MICAL2: variants seen among roughly 807,000 people sequenced by gnomAD.
The protein encoded by MICAL2 is [F-actin]-monooxygenase MICAL2.
MICAL2 carries 77 observed loss-of-function variants against 127.3 expected under a neutral mutation model. The observed-to-expected ratio is 0.60, with a 90% CI of 0.50 to 0.73. The LOEUF (loss-of-function observed/expected upper bound fraction) is 0.73, where lower values mean the gene tolerates loss of function less well. MICAL2 is among the 30% of genes least tolerant of loss of function. The pLI is 0.00. For missense variants in MICAL2, 1,351 were observed against 1,434.4 expected (o/e 0.94, Z 0.94); for synonymous variants, 570 against 551.1 (o/e 1.03, Z -0.48).
chr11:12,328,472 G>T (rs893764986), intron 32 of MICAL2, among the ~76,000 whole-genome samples: 1 of 152,102 alleles, frequency 6.6e-6, no homozygotes, highest in South Asian at 2.1e-4. Context: ...TTGGCAGAGG[G>T]AACAGCACCT....
At chr11:12,278,077 G>T (rs1863739178) in intron 1 of MICAL2, among the ~76,000 whole-genome samples, 1 of 152,176 alleles carries the variant, frequency 6.6e-6, no homozygotes, top group South Asian at 2.1e-4. Flanking sequence ...AGTTGCTCTG[G>T]GTGAGTGAGT....
intron 29 of MICAL2, among the ~76,000 whole-genome samples, chr11:12,304,993 A>G (rs1864092107): frequency 6.6e-6 from 1 of 152,158 alleles, no homozygotes; most frequent in Non-Finnish European, 1.5e-5. Flanking sequence ...TATTGAATCT[A>G]TAGATAAATT....
chr11:12,275,933 T>A (rs1044459569), upstream of MICAL2: 1 of 398,992 alleles, frequency 2.5e-6, no homozygotes, highest in African/African-American at 2.1e-5. Flanking sequence ...GGAAGGGTCC[T>A]GCTAGGCCAT....
chr11:12,303,202 T>G (rs976479705), intron 29 of MICAL2, among the ~76,000 whole-genome samples: 2 of 152,152 alleles, frequency 1.3e-5, no homozygotes, highest in African/African-American at 4.8e-5. Context: ...GAGATTTGGG[T>G]GGGGACATGG....
At chr11:12,166,289 T>C (rs955716021) in intron 3 of MICAL2, among the ~76,000 whole-genome samples, 1 of 152,258 alleles carries the variant, frequency 6.6e-6, no homozygotes, top group Non-Finnish European at 1.5e-5. Context: ...GGACTCTATT[T>C]ACTGGTTTGC....
rs1855759908 is a variant in MICAL2, at chr11:12,213,377, CAG to C, written c.816_817del (p.Lys273IlefsTer6). 1.2e-6 allele frequency: 2 copies of C among 1,613,800 alleles called. No homozygotes were observed. Among genetic ancestry groups the C allele is most frequent in the African/African-American group, 1.3e-5 (1 of 74,928 alleles). ...EISGVAFIFN[Q>X]KFFQDLKEET... is the part of the protein sequence containing the mutation. ...TAGTGGTGTGGCTTTCATCTTCAAT[CAG>C]AAATTTTTTCAGGACCTTAAAGAAG... On this transcript the variant is annotated frameshift_variant, in exon 7 of 28. Transcript: ENST00000683283. LOFTEE classifies it high-confidence loss of function.
rs1273789293 is a variant in MICAL2 at position 12,244,021 on chromosome 11, A to G, written c.2693A>G (p.His898Arg). The change falls in exon 21 of 28, where the codon CAT becomes CGT. Residue 898 changes from histidine to arginine, a missense_variant. His to Arg is a conservative substitution (Grantham distance 29). Coordinates refer to ENST00000683283, the MANE Select transcript of MICAL2 (RefSeq NM_001282663.2). ...CTCTCTAAAGGCCTGTCTCATACTC[A>G]TCCTCCATCTCCTCCCTCTCGCCTT... ...KLLSKGLSHTHPPSPPSRLPS... is the reference protein window; with the variant it reads ...KLLSKGLSHTRPPSPPSRLPS... 1.9e-6 allele frequency: 3 copies of G among 1,613,684 alleles called. No homozygotes were observed. The highest frequency in any genetic ancestry group is 2.5e-6 in the Non-Finnish European group (3 of 1,179,708).
At chr11:12,116,967 T>C (rs377541317) in intron 1 of MICAL2, 6 of 152,330 alleles carry the variant, frequency 3.9e-5, no homozygotes, top group African/African-American at 1.4e-4. Context: ...TTTTAGTTTG[T>C]TCTTTATTTG....
At chr11:12,338,416 A>G (rs1204239988) in intron 32 of MICAL2, among the ~76,000 whole-genome samples, 1 of 152,134 alleles carries the variant, frequency 6.6e-6, no homozygotes, top group Non-Finnish European at 1.5e-5. Context: ...CCAATTTGCC[A>G]GTCTGTGTCT....
chr11:12,217,108 G>A (rs991367146), intron 8 of MICAL2, among the ~76,000 whole-genome samples: 7 of 152,130 alleles, frequency 4.6e-5, no homozygotes, highest in African/African-American at 9.7e-5. Flanking sequence ...AAGCTTCTTC[G>A]GACAGGTGTA....
At chr11:12,123,092 T>G (rs937773891) in intron 1 of MICAL2, among the ~76,000 whole-genome samples, 1 of 152,160 alleles carries the variant, frequency 6.6e-6, no homozygotes, top group African/African-American at 2.4e-5. Context: ...AGATATACCA[T>G]TATTTCATGT....
chr11:12,275,172 G>A (rs908485182), upstream of MICAL2, among the ~76,000 whole-genome samples: 2 of 152,202 alleles, frequency 1.3e-5, no homozygotes, highest in African/African-American at 2.4e-5. Flanking sequence ...TTTACTGAGA[G>A]GGGGAAGGCT....
intron 21 of MICAL2, among the ~76,000 whole-genome samples, chr11:12,247,702 T>C (rs1459344470): frequency 2.6e-5 from 4 of 152,242 alleles, no homozygotes. Flanking sequence ...CACTGGGCTT[T>C]GCACATGCAG....
At position 12,222,688 on chromosome 11, in the gene MICAL2, T is replaced by C; in HGVS notation, c.1394T>C (p.Leu465Ser). The C allele has an allele frequency of 6.2e-7, 1 of 1,614,220 alleles. No homozygotes were observed. The highest frequency in any genetic ancestry group is 8.5e-7 in the Non-Finnish European group (1 of 1,180,048). Residue 465 changes from leucine (L) to serine (S), a missense_variant, in exon 11 of 28, where the codon TTG becomes TCG. Physicochemically the swap from Leu to Ser is moderately radical, Grantham distance 145. This residue lies in a region of MICAL2 where 599 missense variants were observed against 714.9 expected (regional missense o/e 0.84). Transcript: ENST00000683283. ...NINKNFEQYTLDPGTRYPNLN... is the reference protein window; with the variant it reads ...NINKNFEQYTSDPGTRYPNLN... ...AACAAGAACTTTGAGCAGTACACGT[T>C]GGACCCAGGGACACGGTACCCAAAC...
chr11:12,142,923 A>G (rs1027179134), intron 2 of MICAL2, among the ~76,000 whole-genome samples: 2 of 152,226 alleles, frequency 1.3e-5, no homozygotes, highest in African/African-American at 4.8e-5. Flanking sequence ...CAAGGCATTG[A>G]CTGAAGCGTC....
downstream of MICAL2, among the ~76,000 whole-genome samples, chr11:12,267,606 T>G (rs919222950): frequency 2.0e-5 from 3 of 151,480 alleles, no homozygotes; most frequent in Non-Finnish European, 4.4e-5. Context: ...GGATTATCCT[T>G]TTATTTATTT....
intron 21 of MICAL2, among the ~76,000 whole-genome samples, chr11:12,246,751 T>A (rs2706628): frequency 6.6e-6 from 1 of 152,286 alleles, no homozygotes; most frequent in Middle Eastern, 3.4e-3. Context: ...GGACTATAGA[T>A]GTGAATCACC....
chr11:12,239,342 G>A lies in MICAL2; in HGVS notation c.2065-94G>A, dbSNP rs71478995. On this transcript the variant is annotated intron_variant, in intron 16 of 27. Transcript: ENST00000683283. ...CAGACCATGGAGGGAGCCCTTCTGC[G>A]GGAAGCTAGTCCCACGTCCTGAGTC... The A allele has an allele frequency of 2.7e-3, 4,222 of 1,548,330 alleles. 7 individuals are homozygous for A. The highest frequency in any genetic ancestry group is 3.4e-3 in the Non-Finnish European group (3,771 of 1,124,378).
intron 16 of MICAL2, among the ~76,000 whole-genome samples, chr11:12,238,704 G>A (rs1263484062): frequency 1.3e-5 from 2 of 152,276 alleles, no homozygotes; most frequent in East Asian, 3.9e-4. Context: ...CGAATAAAGT[G>A]TATAATTTAG....
Sources: allele counts gnomAD v4.1 joint callset (sites outside exome capture counted in the v4.1 genomes callset), GRCh38; gene constraint gnomAD v4.1.1; regional missense constraint gnomAD v4.1.1; transcripts MANE v1.5; gene names NCBI Gene and HGNC (gene_info 2026-07-23, HGNC 2026-07-21).